Variants in ZMIZ2 observed in about 807,000 individuals in gnomAD.
ZMIZ2 encodes zinc finger MIZ domain-containing protein 2.
In ZMIZ2, 26 loss-of-function variants were observed where a neutral mutation model predicts 93.9. The observed-to-expected ratio is 0.28, with a 90% CI of 0.20 to 0.38. The LOEUF is 0.38. ZMIZ2 is among the 10% of genes least tolerant of loss of function. The pLI, the probability that ZMIZ2 is intolerant of heterozygous loss-of-function variation, is 1.00. For synonymous variants in ZMIZ2, 485 were observed against 516.4 expected, an observed-to-expected ratio of 0.94 and a Z score of 0.82; for missense variants, 1,023 against 1,235.0, an observed-to-expected ratio of 0.83 and a Z score of 2.57.
At position 44,763,496 on chromosome 7, in the gene ZMIZ2, A is replaced by G; in HGVS notation, c.1860+83A>G. 6.5e-7 allele frequency: 1 copy of G among 1,539,082 alleles called. No homozygotes were observed. The highest frequency in any genetic ancestry group is 8.8e-7 in the Non-Finnish European group (1 of 1,134,708). On this transcript the variant is annotated intron_variant, in intron 13 of 18. Coordinates refer to ENST00000309315, the MANE Select transcript of ZMIZ2 (RefSeq NM_031449.4). This position sits in a 1 kb window ranked among gnomAD's most constrained non-coding sequence, Gnocchi z 5.6. ...GATACATCAGTGTCATTCTCTGGAC[A>G]GACGTGAACTCCGAGTGCCTTGGCT...
intron 3 of ZMIZ2, 73 bp downstream of exon 3, chr7:44,756,612 C>A: frequency 6.6e-7 from 1 of 1,506,736 alleles, no homozygotes; most frequent in Non-Finnish European, 9.2e-7. Flanking sequence ...AGTGCCTCCT[C>A]AGAGCTCTGA....
chr7:44,762,835 C>T, intron 11 of ZMIZ2, 46 bp from the exon 12 acceptor site: 2 of 1,489,832 alleles, frequency 1.3e-6, no homozygotes, highest in East Asian at 2.4e-5. Flanking sequence ...GCCAGGGTGG[C>T]CCCTGGCCCA....
At position 44,756,940 on chromosome 7, in the gene ZMIZ2, C is replaced by G; in HGVS notation, c.166-7C>G. 1 of 1,609,130 alleles carries G rather than the reference C, an allele frequency of 6.2e-7. No homozygotes were observed. Among genetic ancestry groups the G allele is most frequent in the Non-Finnish European group, 8.5e-7 (1 of 1,178,658 alleles). On this transcript the variant is annotated splice_polypyrimidine_tract_variant and splice_region_variant and intron_variant, in intron 3 of 18. Coordinates refer to ENST00000309315, the MANE Select transcript of ZMIZ2 (RefSeq NM_031449.4). ...GGTTCCCTTTGGTGATTCCTGCTTC[C>G]TCATAGGTTTTGGGGAACCCCATGG...
At chr7:44,751,659 T>C (rs1374566284) in intron 1 of ZMIZ2, among the ~76,000 whole-genome samples, 2 of 152,256 alleles carry the variant, frequency 1.3e-5, no homozygotes, top group African/African-American at 2.4e-5. Flanking sequence ...TTAAACTTTT[T>C]ATTTTGAAAT....
chr7:44,757,851 G>T lies in ZMIZ2; in HGVS notation c.556G>T (p.Gly186Trp). Residue 186 changes from glycine (G) to tryptophan (W), a missense_variant, in exon 6 of 19, where the codon GGG becomes TGG. Transcript: ENST00000309315. ...TTCTTCTTTTTTCTCTTCCTAGATG[G>T]GGGCCGGACAGTCTTTTAACAGCCA... ...SQELSQYGAM[G>W]AGQSFNSQFL... 6.4e-7 allele frequency: 1 copy of T among 1,554,280 alleles called. No homozygotes were observed. The highest frequency in any genetic ancestry group is 1.4e-5 in the African/African-American group (1 of 72,632).
At chr7:44,751,887 G>A (rs2116611397) in intron 1 of ZMIZ2, among the ~76,000 whole-genome samples, 1 of 152,122 alleles carries the variant, frequency 6.6e-6, no homozygotes, top group South Asian at 2.1e-4. Flanking sequence ...GCTTGAACCT[G>A]GGAGGTGGAG....
chr7:44,755,643 A>G (rs1254950520), intron 1 of ZMIZ2, among the ~76,000 whole-genome samples: 1 of 151,872 alleles, frequency 6.6e-6, no homozygotes, highest in Non-Finnish European at 1.5e-5. Flanking sequence ...GCACCCCTGC[A>G]CTCTCCTCCT....
intron 3 of ZMIZ2, 107 bp from the exon 4 acceptor site, chr7:44,756,840 T>G (rs1790639693): frequency 1.6e-5 from 19 of 1,214,736 alleles, no homozygotes; most frequent in Non-Finnish European, 1.9e-5. Flanking sequence ...CCCCCCCACC[T>G]CTCCCCCAAC....
Position 44,766,769 on chromosome 7 carries a change from C to A in ZMIZ2, c.2655+106C>A. ...GGGAAGACAGTGACCCCTCAGAGAGCCGGTCAGATAAGGTCAACTAAATGC... is the reference window on the plus strand; with the variant it reads ...GGGAAGACAGTGACCCCTCAGAGAGACGGTCAGATAAGGTCAACTAAATGC... On this transcript the variant is annotated intron_variant, in intron 18 of 18. Coordinates refer to ENST00000309315, the MANE Select transcript of ZMIZ2 (RefSeq NM_031449.4). The surrounding 1 kb of genome is among the most constrained non-coding windows in gnomAD (Gnocchi z 4.4). The A allele has an allele frequency of 4.6e-6, 7 of 1,526,982 alleles. No individual in the cohort carries two copies. The highest frequency in any genetic ancestry group is 1.2e-5 in the South Asian group (1 of 81,032). The allele number at this position is 1,526,982 out of a possible 1,614,324, so 94.6% of individuals were successfully genotyped here. A position where few individuals can be genotyped will look rare whatever the true frequency, so the allele number is the denominator to read the frequency against.
chr7:44,765,737 C>T lies in ZMIZ2; in HGVS notation c.2242+158C>T, dbSNP rs573555724. The T allele has an allele frequency of 4.2e-6, 5 of 1,190,462 alleles. No homozygotes were observed. The African/African-American group carries it at 4.6e-5, about 11-fold the overall frequency. 73.7% of individuals were successfully genotyped at this position (1,190,462 alleles called of 1,614,324 possible). On this transcript the variant is annotated intron_variant, in intron 16 of 18. Coordinates refer to ENST00000309315, the MANE Select transcript of ZMIZ2 (RefSeq NM_031449.4). The surrounding 1 kb of genome is among the most constrained non-coding windows in gnomAD (Gnocchi z 4.1). The stretch of plus-strand genomic sequence containing the variant: ...AACATGCCGCGGGGCACCTCCAGCC[C>T]CTCCCATCTCAGGGACGTGGCGGTG...
rs1472589441 is a variant in ZMIZ2 at position 44,756,938 on chromosome 7, TC to T, written c.166-7del. 6.2e-7 allele frequency: 1 copy of T among 1,608,956 alleles called. No homozygotes were observed. Among genetic ancestry groups the T allele is most frequent in the Non-Finnish European group, 8.5e-7 (1 of 1,178,620 alleles). On this transcript the variant is annotated splice_region_variant and splice_polypyrimidine_tract_variant and intron_variant, in intron 3 of 18. Transcript: ENST00000309315. ...CTGGTTCCCTTTGGTGATTCCTGCT[TC>T]CTCATAGGTTTTGGGGAACCCCATG...
Position 44,765,504 on chromosome 7 carries a change from C to T in ZMIZ2, c.2167C>T (p.Leu723=). ...MPSVMEMIAA[L]GPGAAPFAPL... Reference sequence around the variant, plus strand: ...CAGCGTGATGGAGATGATCGCCGCCCTGGGCCCCGGCGCTGCCCCCTTTGC... The same window carrying T: ...CAGCGTGATGGAGATGATCGCCGCCTTGGGCCCCGGCGCTGCCCCCTTTGC... Residue 723 remains leucine (L), a synonymous_variant, in exon 16 of 19, where the codon CTG becomes TTG. Coordinates refer to ENST00000309315, the MANE Select transcript of ZMIZ2 (RefSeq NM_031449.4). This position sits in a 1 kb window ranked among gnomAD's most constrained non-coding sequence, Gnocchi z 4.1. The T allele has an allele frequency of 1.3e-6, 2 of 1,598,706 alleles. No individual in the cohort carries two copies. The highest frequency in any genetic ancestry group is 1.7e-6 in the Non-Finnish European group (2 of 1,179,412).
In ZMIZ2 at chr7:44,767,563, C is replaced by T. The variant is rs1430939047; in HGVS notation, c.2703C>T (p.Gly901=). The change falls in exon 19 of 19, where the codon GGC becomes GGT. Residue 901 remains glycine, a synonymous_variant. Transcript: ENST00000309315. ...TNPDELLSYL[G]PPDLPTNNND... ...CTGATGAGCTACTGTCCTACTTGGG[C>T]CCACCCGACCTCCCTACGAACAACA... 6.8e-6 allele frequency: 11 copies of T among 1,614,162 alleles called. No individual in the cohort carries two copies. The East Asian group carries it at 2.2e-4, about 33-fold the overall frequency.
At position 44,766,677 on chromosome 7, in the gene ZMIZ2, C is replaced by T. The variant is rs1193934109; in HGVS notation, c.2655+14C>T. 6.2e-6 allele frequency: 10 copies of T among 1,611,874 alleles called. No homozygotes were observed. The African/African-American group carries it at 8.0e-5, about 13-fold the overall frequency. On this transcript the variant is annotated intron_variant, in intron 18 of 18. Coordinates refer to ENST00000309315, the MANE Select transcript of ZMIZ2 (RefSeq NM_031449.4). The surrounding 1 kb of genome is among the most constrained non-coding windows in gnomAD (Gnocchi z 4.4). The stretch of plus-strand genomic sequence containing the variant: ...CCAGCTCTGGACGTGAGTACCAGGC[C>T]CCATGCGGGGGAGTGCGTGGGAGCC...
At chr7:44,756,026 G>A (rs1434287031) in intron 1 of ZMIZ2, among the ~76,000 whole-genome samples, 162 bp from the exon 2 acceptor site, 3 of 152,124 alleles carry the variant, frequency 2.0e-5, no homozygotes, top group Non-Finnish European at 4.4e-5. Context: ...AGTGAGTGGG[G>A]TGGGTCAGTA....
chr7:44,760,301 G>A, intron 8 of ZMIZ2, 73 bp downstream of exon 8: 3 of 1,567,698 alleles, frequency 1.9e-6, no homozygotes, highest in South Asian at 2.4e-5. Flanking sequence ...CGACCGGGCA[G>A]GCACCCCTGG....
Position 44,766,211 on chromosome 7 carries a change from A to G in ZMIZ2, c.2290A>G (p.Thr764Ala), listed in dbSNP as rs1791687732. The G allele has an allele frequency of 1.0e-6, 1 of 967,078 alleles. No homozygotes were observed. Among genetic ancestry groups the G allele is most frequent in the Non-Finnish European group, 1.5e-6 (1 of 650,836 alleles). The allele number at this position is 967,078 out of a possible 1,614,324, so 59.9% of individuals were successfully genotyped here. ...AACTTTCCCTGAGTCCTTCCCACCC[A>G]CCACGCCCAGCACCCCAACCCTTGC... ...PGTFPESFPP[T>A]TPSTPTLAEF... Residue 764 changes from threonine (T) to alanine (A), a missense_variant, in exon 17 of 19, where the codon ACC becomes GCC. By Grantham distance (58) the Thr-to-Ala change is moderately conservative. Around this residue, in one of 3 missense-constraint regions of ZMIZ2, gnomAD observed 319 missense variants for 358.8 expected, o/e 0.89. Transcript: ENST00000309315. This position sits in a 1 kb window ranked among gnomAD's most constrained non-coding sequence, Gnocchi z 4.4.
chr7:44,759,818 A>G, intron 7 of ZMIZ2: 1 of 451,796 alleles, frequency 2.2e-6, no homozygotes, highest in Non-Finnish European at 3.9e-6. Context: ...AGAGAAATCC[A>G]TTGAGAGGAC....
rs771915502 is a variant in ZMIZ2 at position 44,756,574 on chromosome 7, C to CT, written c.165+35_165+36insT. ...CACTGGTGCCCCACCCCCGAGCAGA[C>CT]AGAGCCTCCCAGCACTTGGCAGTGC... On this transcript the variant is annotated intron_variant, in intron 3 of 18. Transcript: ENST00000309315. 5.6e-4 allele frequency: 907 copies of CT among 1,606,214 alleles called. 9 individuals carry two copies. In the East Asian group the frequency reaches 0.017, roughly 30 times the overall value.
Sources: gnomAD v4.1 joint callset for allele counts (sites outside exome capture counted in the v4.1 genomes callset) on GRCh38, gnomAD v4.1.1 for gene constraint, gnomAD v4.1.1 regional missense constraint, Gnocchi (gnomAD v3.1) non-coding constraint, MANE v1.5 for transcripts, NCBI Gene and HGNC (gene_info 2026-07-23, HGNC 2026-07-21) for gene names.